NLK: variants seen among roughly 807,000 people sequenced by gnomAD.
The protein encoded by NLK is serine/threonine-protein kinase NLK.
In NLK, 11 loss-of-function variants were observed where a neutral mutation model predicts 59.0. That is an observed-to-expected ratio of 0.19 (90% CI 0.12 to 0.31). The LOEUF is 0.31. Ranked by LOEUF, NLK falls within the 10% of genes least tolerant of loss-of-function variation. NLK has a pLI of 1.00. For missense variants in NLK, 410 were observed against 661.1 expected (o/e 0.62, Z 4.16); for synonymous variants, 235 against 235.9 (o/e 1.00, Z 0.03).
intron 3 of NLK, among the ~76,000 whole-genome samples, chr17:28,140,849 A>G (rs1192279902): frequency 6.6e-6 from 1 of 152,102 alleles, no homozygotes; most frequent in African/African-American, 2.4e-5. Flanking sequence ...TAATTTTCAT[A>G]GAATAAAACA....
At chr17:28,086,333 G>A (rs903262455) in intron 1 of NLK, among the ~76,000 whole-genome samples, 2 of 152,024 alleles carry the variant, frequency 1.3e-5, no homozygotes, top group African/African-American at 2.4e-5. Context: ...CCATGGGCTA[G>A]AATTGAATAA....
chr17:28,134,378 G>A (rs1906650276), intron 3 of NLK, among the ~76,000 whole-genome samples: 1 of 152,154 alleles, frequency 6.6e-6, no homozygotes, highest in Non-Finnish European at 1.5e-5. Context: ...TATAGCCTGG[G>A]CGACAGAGTG....
At chr17:28,103,705 C>T (rs991036956) in intron 1 of NLK, among the ~76,000 whole-genome samples, 39 of 152,160 alleles carry the variant, frequency 2.6e-4, no homozygotes, top group African/African-American at 8.2e-4. Flanking sequence ...TGCACTCTCC[C>T]TGTCTATAGT....
chr17:28,144,401 A>G (rs1346259248), intron 3 of NLK, among the ~76,000 whole-genome samples: 1 of 151,740 alleles, frequency 6.6e-6, no homozygotes, highest in Non-Finnish European at 1.5e-5. Flanking sequence ...GAAGCCAAAA[A>G]AAAAAAAAAA....
At chr17:28,096,956 C>A (rs903981164) in intron 1 of NLK, among the ~76,000 whole-genome samples, 2 of 152,102 alleles carry the variant, frequency 1.3e-5, no homozygotes, top group African/African-American at 4.8e-5. Context: ...TAGGATGGAG[C>A]CTTTCCCTTG....
At chr17:28,128,841 G>C (rs1349711546) in intron 2 of NLK, among the ~76,000 whole-genome samples, 1 of 152,180 alleles carries the variant, frequency 6.6e-6, no homozygotes, top group Non-Finnish European at 1.5e-5. Flanking sequence ...TACTAAAAGA[G>C]TGTACAAGAA....
At chr17:28,166,292 G>C (rs1908234008) in intron 5 of NLK, among the ~76,000 whole-genome samples, 1 of 152,144 alleles carries the variant, frequency 6.6e-6, no homozygotes, top group African/African-American at 2.4e-5. Context: ...TGGTTTATCT[G>C]TATAGTATGG....
At chr17:28,160,013 G>C (rs1907937072) in intron 3 of NLK, among the ~76,000 whole-genome samples, 1 of 152,168 alleles carries the variant, frequency 6.6e-6, no homozygotes, top group South Asian at 2.1e-4. Flanking sequence ...ATGTCAATTA[G>C]GTATCCAGGG....
intron 1 of NLK, among the ~76,000 whole-genome samples, chr17:28,055,841 A>G (rs1026147243): frequency 6.6e-6 from 1 of 152,218 alleles, no homozygotes; most frequent in African/African-American, 2.4e-5. Flanking sequence ...ATGTGACTTC[A>G]CTAGAGATTT....
chr17:28,071,594 A>G (rs577984043), intron 1 of NLK, among the ~76,000 whole-genome samples: 19 of 152,160 alleles, frequency 1.2e-4, no homozygotes, highest in Admixed American at 5.2e-4. Context: ...GCCATTGGAA[A>G]TGGTATTTTT....
At chr17:28,107,307 C>T (rs956226245) in intron 1 of NLK, among the ~76,000 whole-genome samples, 8 of 151,798 alleles carry the variant, frequency 5.3e-5, no homozygotes, top group Admixed American at 4.6e-4. Flanking sequence ...TGGTGGCAGG[C>T]GCCTGTAATC....
intron 3 of NLK, among the ~76,000 whole-genome samples, chr17:28,134,135 G>A (rs925444293): frequency 3.9e-5 from 6 of 152,174 alleles, no homozygotes; most frequent in Non-Finnish European, 8.8e-5. Context: ...GCTCACACCT[G>A]TAATCCCAGC....
At position 28,112,376 on chromosome 17, in the gene NLK, C is replaced by T. The variant is rs558011446; in HGVS notation, c.459-10227C>T. The stretch of plus-strand genomic sequence containing the variant: ...CGAAGCTGCTGGGTTTTGTAGCCAG[C>T]CTTGCCCAGGAACTATTAGATGTAC... On this transcript the variant is annotated intron_variant, in intron 1 of 10. Coordinates refer to ENST00000407008, the MANE Select transcript of NLK (RefSeq NM_016231.5). Among the ~76,000 whole-genome samples, 87 of 152,190 alleles carry T rather than the reference C, an allele frequency of 5.7e-4. 1 individual carries two copies. Among genetic ancestry groups the T allele is most frequent in the African/African-American group, 1.8e-3 (75 of 41,518 alleles).
Position 28,043,173 on chromosome 17 carries a change from G to T in NLK, c.300G>T (p.Gly100=), listed in dbSNP as rs1456751545. The change falls in exon 1 of 11, where the codon GGG becomes GGT. Residue 100 remains glycine, a synonymous_variant. Coordinates refer to ENST00000407008, the MANE Select transcript of NLK (RefSeq NM_016231.5). ...CATATTTCCCATCACCGGCACCGGG[G>T]CAGGCTCCTGGACCAGCTGCAGCAG... ...QQPYFPSPAP[G]QAPGPAAAAP... 1 of 1,613,872 alleles carries T rather than the reference G, an allele frequency of 6.2e-7. No individual in the cohort carries two copies. Among genetic ancestry groups the T allele is most frequent in the African/African-American group, 1.3e-5 (1 of 75,030 alleles).
At position 28,161,098 on chromosome 17, in the gene NLK, T is replaced by C. The variant is rs575944548; in HGVS notation, c.645-62T>C. The C allele has an allele frequency of 1.5e-5, 13 of 871,988 alleles. No homozygotes were observed. The East Asian group carries it at 2.9e-4, about 20-fold the overall frequency. 54.0% of individuals were successfully genotyped at this position (871,988 alleles called of 1,614,324 possible). A position where few individuals can be genotyped will look rare whatever the true frequency, so the allele number is the denominator to read the frequency against. ...AATGGAAGTTATTTTTTAGATCTGGTCACCACTTTGAGGGGGTAGGGGACT... is the reference window on the plus strand; with the variant it reads ...AATGGAAGTTATTTTTTAGATCTGGCCACCACTTTGAGGGGGTAGGGGACT... On this transcript the variant is annotated intron_variant, in intron 3 of 10. Coordinates refer to ENST00000407008, the MANE Select transcript of NLK (RefSeq NM_016231.5).
At chr17:28,137,288 G>T (rs557737014) in intron 3 of NLK, among the ~76,000 whole-genome samples, 1 of 152,168 alleles carries the variant, frequency 6.6e-6, no homozygotes, top group South Asian at 2.1e-4. Flanking sequence ...ATTGTTTTAG[G>T]CAAGTTCTTA....
chr17:28,203,168 C>CACACAA, the NLK span, among the ~76,000 whole-genome samples: 58 of 119,264 alleles, frequency 4.9e-4, no homozygotes, highest in Non-Finnish European at 8.8e-4. Context: ...CATACATACA[C>CACACAA]ACACACACAC....
chr17:28,101,765 G>A (rs2142791215), intron 1 of NLK, among the ~76,000 whole-genome samples: 1 of 152,104 alleles, frequency 6.6e-6, no homozygotes, highest in Admixed American at 6.5e-5. Context: ...TCATTCATAT[G>A]CCATTTATTT....
At chr17:28,175,781 T>C (rs1013606912) in intron 7 of NLK, among the ~76,000 whole-genome samples, 9 of 152,190 alleles carry the variant, frequency 5.9e-5, no homozygotes, top group African/African-American at 1.9e-4. Context: ...GACTCTAAAA[T>C]AGCAGATAAA....
Sources: gnomAD v4.1 joint callset for allele counts (sites outside exome capture counted in the v4.1 genomes callset) on GRCh38, gnomAD v4.1.1 for gene constraint, MANE v1.5 for transcripts, NCBI Gene and HGNC (gene_info 2026-07-23, HGNC 2026-07-21) for gene names.